Variants in MARCHF1 observed in about 807,000 individuals in gnomAD.
MARCHF1 encodes E3 ubiquitin-protein ligase MARCHF1.
A neutral mutation model predicts 54.2 loss-of-function variants in MARCHF1; 40 were observed. That is an observed-to-expected ratio of 0.74 (90% confidence interval 0.57 to 0.96). The LOEUF (loss-of-function observed/expected upper bound fraction) is 0.96, where lower values mean the gene tolerates loss of function less well. MARCHF1 is among the 40% of genes least tolerant of loss of function. MARCHF1 has a pLI of 0.00. For missense variants in MARCHF1, 586 were observed against 656.5 expected, an observed-to-expected ratio of 0.89 and a Z score of 1.17; for synonymous variants, 236 against 236.3, an observed-to-expected ratio of 1.00 and a Z score of 0.01.
chr4:164,142,576 CA>C (rs1369695420), intron 1 of MARCHF1, among the ~76,000 whole-genome samples: 17 of 152,308 alleles, frequency 1.1e-4, no homozygotes, highest in African/African-American at 4.1e-4. Context: ...ACACCTCACA[CA>C]GCCAGGTACT....
At chr4:163,544,704 T>G (rs1321104760) in intron 9 of MARCHF1, among the ~76,000 whole-genome samples, 4 of 100,072 alleles carry the variant, frequency 4.0e-5, no homozygotes, top group African/African-American at 1.3e-4. Flanking sequence ...TTTTCTTACC[T>G]CCTCTCTTTT....
At chr4:164,019,137 T>C (rs2110962734) in intron 2 of MARCHF1, among the ~76,000 whole-genome samples, 1 of 152,176 alleles carries the variant, frequency 6.6e-6, no homozygotes, top group South Asian at 2.1e-4. Context: ...GCCAGGTGAG[T>C]GAGGTTAGGG....
chr4:164,144,302 A>G, intron 1 of MARCHF1, among the ~76,000 whole-genome samples: 1 of 151,860 alleles, frequency 6.6e-6, no homozygotes, highest in Non-Finnish European at 1.5e-5. Context: ...AATTGAACTC[A>G]GCTCTGCACC....
intron 2 of MARCHF1, among the ~76,000 whole-genome samples, chr4:164,103,219 C>T (rs1446786323): frequency 2.8e-5 from 2 of 72,330 alleles, no homozygotes; most frequent in African/African-American, 4.4e-5. Flanking sequence ...GACAGAAAGT[C>T]AACAAGGATA....
chr4:164,299,824 T>C (rs1734504648), intron 1 of MARCHF1, among the ~76,000 whole-genome samples: 1 of 152,228 alleles, frequency 6.6e-6, no homozygotes, highest in Non-Finnish European at 1.5e-5. Context: ...GTAACTTTTA[T>C]GTTACTTAGT....
At chr4:164,074,433 G>A (rs976579503) in intron 2 of MARCHF1, among the ~76,000 whole-genome samples, 3 of 152,278 alleles carry the variant, frequency 2.0e-5, no homozygotes, top group Non-Finnish European at 2.9e-5. Flanking sequence ...TCATATCCTT[G>A]AGAATGGGAA....
At chr4:163,942,170 G>A (rs891748821) in intron 3 of MARCHF1, among the ~76,000 whole-genome samples, 1 of 152,138 alleles carries the variant, frequency 6.6e-6, no homozygotes, top group Non-Finnish European at 1.5e-5. Context: ...AAATATCTGT[G>A]AAGCAGTAAG....
At chr4:163,962,262 G>A (rs999308973) in intron 3 of MARCHF1, among the ~76,000 whole-genome samples, 8 of 151,826 alleles carry the variant, frequency 5.3e-5, no homozygotes, top group Non-Finnish European at 8.8e-5. Context: ...AAAAGTGCAA[G>A]CTGACATCAT....
chr4:163,850,854 G>A (rs1269249657), intron 4 of MARCHF1, among the ~76,000 whole-genome samples: 1 of 152,174 alleles, frequency 6.6e-6, no homozygotes, highest in Non-Finnish European at 1.5e-5. Flanking sequence ...GAAACATTGA[G>A]CGGCTAGTGT....
chr4:163,598,703 T>C (rs958870963), intron 7 of MARCHF1, among the ~76,000 whole-genome samples: 2 of 152,222 alleles, frequency 1.3e-5, no homozygotes, highest in African/African-American at 4.8e-5. Flanking sequence ...GAAGTTGTTC[T>C]GGATGAGTCA....
At chr4:164,018,951 G>C (rs1022197293) in intron 2 of MARCHF1, among the ~76,000 whole-genome samples, 9 of 152,118 alleles carry the variant, frequency 5.9e-5, no homozygotes, top group Admixed American at 3.9e-4. Context: ...TTACTATATT[G>C]GTCCTTCAAA....
chr4:164,160,075 A>T (rs1730190576), intron 1 of MARCHF1, among the ~76,000 whole-genome samples: 1 of 152,176 alleles, frequency 6.6e-6, no homozygotes, highest in African/African-American at 2.4e-5. Context: ...TAGATGTTAC[A>T]AAGTGTTAAT....
chr4:164,122,085 A>T (rs1353674624), intron 1 of MARCHF1, among the ~76,000 whole-genome samples: 3 of 152,140 alleles, frequency 2.0e-5, no homozygotes, highest in Non-Finnish European at 4.4e-5. Flanking sequence ...AGAATGAAGG[A>T]CAAAAACCAT....
At chr4:164,277,599 G>A (rs1733919857) in intron 1 of MARCHF1, among the ~76,000 whole-genome samples, 1 of 152,202 alleles carries the variant, frequency 6.6e-6, no homozygotes, top group African/African-American at 2.4e-5. Flanking sequence ...ACTAATCCCT[G>A]CTCAACTTTT....
intron 4 of MARCHF1, among the ~76,000 whole-genome samples, chr4:163,814,186 T>C (rs1370126281): frequency 1.3e-5 from 2 of 152,186 alleles, no homozygotes; most frequent in African/African-American, 4.8e-5. Context: ...GCACTTGCCC[T>C]TTCGACCCTC....
intron 1 of MARCHF1, among the ~76,000 whole-genome samples, chr4:164,249,315 T>C (rs1733054690): frequency 6.6e-6 from 1 of 152,128 alleles, no homozygotes; most frequent in Admixed American, 6.6e-5. Flanking sequence ...CTCTGAGCTG[T>C]ACCTTCAAAA....
chr4:163,708,102 C>T (rs80118161), intron 4 of MARCHF1, among the ~76,000 whole-genome samples: 4,198 of 151,534 alleles, frequency 0.028, 73 homozygotes, highest in East Asian at 0.076. Flanking sequence ...GCAATCCCCC[C>T]CTGTAGCAGC....
intron 4 of MARCHF1, among the ~76,000 whole-genome samples, chr4:163,827,350 A>G (rs1476085244): frequency 6.6e-6 from 1 of 152,088 alleles, no homozygotes; most frequent in East Asian, 1.9e-4. Context: ...CAAGCTGAAG[A>G]CTACAGCACA....
At chr4:163,980,820 A>G (rs1752747327) in intron 3 of MARCHF1, among the ~76,000 whole-genome samples, 2 of 152,248 alleles carry the variant, frequency 1.3e-5, no homozygotes, top group East Asian at 1.9e-4. Context: ...AAAATTTGCA[A>G]TGACAAATTT....
Sources: gnomAD v4.1 joint callset for allele counts (sites outside exome capture counted in the v4.1 genomes callset) on GRCh38, gnomAD v4.1.1 for gene constraint, MANE v1.5 for transcripts, NCBI Gene and HGNC (gene_info 2026-07-23, HGNC 2026-07-21) for gene names.